GALK2: variants seen among roughly 807,000 people sequenced by gnomAD.
The protein encoded by GALK2 is galactokinase 2, also known as N-acetylgalactosamine kinase.
A neutral mutation model predicts 52.4 loss-of-function variants in GALK2; 36 were observed. That is an observed-to-expected ratio of 0.69 (90% CI 0.53 to 0.91). The LOEUF (loss-of-function observed/expected upper bound fraction) is 0.91, where lower values mean the gene tolerates loss of function less well. Ranked by LOEUF, GALK2 falls within the 40% of genes least tolerant of loss-of-function variation. GALK2 has a pLI of 0.00. For synonymous variants in GALK2, 176 were observed against 199.1 expected, an observed-to-expected ratio of 0.88 and a Z score of 0.98; for missense variants, 579 against 559.1, an observed-to-expected ratio of 1.04 and a Z score of -0.36.
intron 5 of GALK2, among the ~76,000 whole-genome samples, chr15:49,245,982 A>G (rs1024167770): frequency 2.0e-5 from 3 of 152,150 alleles, no homozygotes; most frequent in African/African-American, 7.2e-5. Flanking sequence ...TCTGCATACT[A>G]TTTTGTTAAC....
At chr15:49,331,891 C>T (rs767391896), downstream of GALK2, 19 of 1,168,718 alleles carry the variant, frequency 1.6e-5, no homozygotes, top group Non-Finnish European at 2.3e-5. Flanking sequence ...AACTAATTGT[C>T]CTTATATTGA....
At chr15:49,307,167 G>A (rs1483744513) in intron 8 of GALK2, among the ~76,000 whole-genome samples, 1 of 152,128 alleles carries the variant, frequency 6.6e-6, no homozygotes, top group Non-Finnish European at 1.5e-5. Context: ...AATCGGACTG[G>A]GTAGGATGCT....
chr15:49,303,505 T>G (rs1190459823), intron 8 of GALK2, among the ~76,000 whole-genome samples: 1 of 152,202 alleles, frequency 6.6e-6, no homozygotes, highest in Non-Finnish European at 1.5e-5. Context: ...GAAGTAACAA[T>G]GTGCATGAAC....
intron 2 of GALK2, among the ~76,000 whole-genome samples, chr15:49,213,251 G>A (rs1030964178): frequency 5.9e-5 from 9 of 152,082 alleles, no homozygotes; most frequent in Admixed American, 3.9e-4. Context: ...AATGACCTTC[G>A]TCTCTTTTTA....
At chr15:49,326,231 T>A (rs1328945311) in intron 9 of GALK2, among the ~76,000 whole-genome samples, 1 of 151,990 alleles carries the variant, frequency 6.6e-6, no homozygotes, top group Non-Finnish European at 1.5e-5. Flanking sequence ...CAGTAAGAGT[T>A]TGATACGACT....
intron 3 of GALK2, among the ~76,000 whole-genome samples, chr15:49,337,085 G>C (rs1040439121): frequency 2.6e-5 from 4 of 152,166 alleles, no homozygotes; most frequent in Non-Finnish European, 5.9e-5. Context: ...TCTTTATCCA[G>C]TCTGCTGTTG....
At chr15:49,259,281 G>A (rs193032956) in intron 5 of GALK2, among the ~76,000 whole-genome samples, 1 of 151,140 alleles carries the variant, frequency 6.6e-6, no homozygotes, top group Non-Finnish European at 1.5e-5. Context: ...CTGTTGTGCT[G>A]CACCCATTAA....
chr15:49,203,985 C>T (rs1476982348), intron 2 of GALK2, among the ~76,000 whole-genome samples: 2 of 151,590 alleles, frequency 1.3e-5, no homozygotes, highest in African/African-American at 4.8e-5. Context: ...TGTGGTGGCA[C>T]ACACCTGTAA....
chr15:49,316,876 T>C (rs888170050), intron 8 of GALK2, among the ~76,000 whole-genome samples: 5 of 152,158 alleles, frequency 3.3e-5, no homozygotes, highest in Admixed American at 2.0e-4. Flanking sequence ...CATCACTCTC[T>C]TCCCTCCCAT....
rs540612693 is a variant in GALK2, at chr15:49,283,762, T to C, written c.756+44T>C. The C allele has an allele frequency of 6.3e-6, 10 of 1,596,388 alleles. No homozygotes were observed. In the African/African-American group the frequency reaches 1.3e-4, roughly 22 times the overall value. The stretch of plus-strand genomic sequence containing the variant: ...AGTGAAACTTGAAGTAGGGTTTTTC[T>C]TGTCTTTATTTTCATTGTTCTCTAT... On this transcript the variant is annotated intron_variant, in intron 7 of 9. Transcript: ENST00000560031.
chr15:49,333,669 T>TAGAAGTG (rs1333516411), downstream of GALK2, among the ~76,000 whole-genome samples: 1 of 152,202 alleles, frequency 6.6e-6, no homozygotes, highest in African/African-American at 2.4e-5. Context: ...AAATAGTATT[T>TAGAAGTG]AGAAGTGTGA....
rs141663991 is a variant in GALK2 at position 49,348,896 on chromosome 15, T to A, written c.427-18595T>A. ...GATACAAATGTGGCTTTACCACATT[T>A]CTCCTAAATTGAACAAACCAACCTA... On this transcript the variant is annotated intron_variant, in intron 3 of 3. Transcript: ENST00000558399. Among the ~76,000 whole-genome samples, 4 of 152,262 alleles carry A rather than the reference T, an allele frequency of 2.6e-5. No individual in the cohort carries two copies. The East Asian group carries it at 7.7e-4, about 29-fold the overall frequency.
intron 5 of GALK2, among the ~76,000 whole-genome samples, chr15:49,246,412 G>A (rs2091353713): frequency 6.6e-6 from 1 of 152,138 alleles, no homozygotes; most frequent in East Asian, 1.9e-4. Context: ...TCATGAGGTT[G>A]TAGACTGAGC....
intron 3 of GALK2, among the ~76,000 whole-genome samples, chr15:49,363,658 A>G (rs899129714): frequency 2.0e-5 from 3 of 152,136 alleles, no homozygotes; most frequent in Non-Finnish European, 2.9e-5. Flanking sequence ...TTCCAATACT[A>G]TGTTGAATAG....
intron 1 of GALK2, among the ~76,000 whole-genome samples, chr15:49,197,055 T>C (rs1358780377): frequency 1.3e-5 from 2 of 152,232 alleles, no homozygotes; most frequent in Non-Finnish European, 2.9e-5. Flanking sequence ...CCACTGCCCA[T>C]TGAACTTTAG....
rs746001076 is a variant in GALK2, at chr15:49,330,550, G to T, written c.*2391G>T. ...GGCTGAGATAGTAGCTGCCTTGTTA[G>T]ATGAGGCATGGCTATCCAGTGCGCT... On this transcript the variant is annotated 3_prime_UTR_variant, in exon 10 of 10. Transcript: ENST00000560031. The T allele has an allele frequency of 6.6e-6, 1 of 152,168 alleles. No individual in the cohort carries two copies. The highest frequency in any genetic ancestry group is 1.9e-4 in the East Asian group (1 of 5,186). 9.4% of individuals were successfully genotyped at this position (152,168 alleles called of 1,614,324 possible).
chr15:49,193,528 T>G (rs557416093), intron 1 of GALK2, among the ~76,000 whole-genome samples: 1 of 152,166 alleles, frequency 6.6e-6, no homozygotes, highest in Non-Finnish European at 1.5e-5. Flanking sequence ...TTGAGTCATA[T>G]TAGAAAACCT....
At chr15:49,315,046 T>C (rs1381517629) in intron 8 of GALK2, among the ~76,000 whole-genome samples, 2 of 152,224 alleles carry the variant, frequency 1.3e-5, no homozygotes, top group Admixed American at 6.5e-5. Context: ...AATGAAATAT[T>C]TATTTTGCAG....
intron 3 of GALK2, among the ~76,000 whole-genome samples, chr15:49,364,713 A>AT (rs2044824814): frequency 6.6e-6 from 1 of 152,186 alleles, no homozygotes; most frequent in Non-Finnish European, 1.5e-5. Context: ...TTAAACAGTT[A>AT]TTTCTATAAA....
Sources: gnomAD v4.1 joint callset for allele counts (sites outside exome capture counted in the v4.1 genomes callset) on GRCh38, gnomAD v4.1.1 for gene constraint, MANE v1.5 for transcripts, NCBI Gene and HGNC (gene_info 2026-07-23, HGNC 2026-07-21) for gene names.